The following FOXO3 variants were observed in gnomAD, a reference collection of about 807,000 sequenced individuals.
The protein encoded by FOXO3 is forkhead box protein O3.
Under a neutral mutation model 41.9 loss-of-function variants are expected in FOXO3, and 4 were observed. The ratio of observed to expected loss-of-function variants is 0.10; its 90% CI spans 0.05 to 0.22. The LOEUF (loss-of-function observed/expected upper bound fraction) is 0.22. Among genes scored for constraint, FOXO3 ranks in the 10% least tolerant of loss-of-function variants. The probability of loss-of-function intolerance (pLI) is 1.00; values close to 1 mark genes in which losing one functional copy is unlikely to be tolerated. For synonymous variants in FOXO3, 318 were observed against 389.3 expected (o/e 0.82, Z 2.16); for missense variants, 534 against 906.8 (o/e 0.59, Z 5.28).
intron 1 of FOXO3, among the ~76,000 whole-genome samples, chr6:108,618,885 T>A (rs1777590655): frequency 6.6e-6 from 1 of 152,214 alleles, no homozygotes; most frequent in Admixed American, 6.5e-5. Context: ...CTTCTCTGAT[T>A]ACTAATCTGT....
intron 1 of FOXO3, among the ~76,000 whole-genome samples, chr6:108,567,601 T>C (rs1280519191): frequency 6.6e-6 from 1 of 152,180 alleles, no homozygotes; most frequent in Non-Finnish European, 1.5e-5. Context: ...GTTCCACAGC[T>C]AGTAGGGGTG....
chr6:108,573,490 C>T (rs950627215), intron 1 of FOXO3, among the ~76,000 whole-genome samples: 3 of 152,066 alleles, frequency 2.0e-5, no homozygotes, highest in Non-Finnish European at 4.4e-5. Context: ...AACTTGGCTC[C>T]GTTATTTAGG....
chr6:108,605,734 T>C (rs1777181056), intron 1 of FOXO3, among the ~76,000 whole-genome samples: 1 of 152,204 alleles, frequency 6.6e-6, no homozygotes, highest in Non-Finnish European at 1.5e-5. Flanking sequence ...ATGTTTCTTG[T>C]TTTGATTACC....
Position 108,642,177 on chromosome 6 carries a change from T to C in FOXO3, c.622-21278T>C, listed in dbSNP as rs1778279128. Among the ~76,000 whole-genome samples the C allele has an allele frequency of 2.0e-5, 3 of 149,448 alleles. No homozygotes were observed. In the Admixed American group the frequency reaches 2.0e-4, roughly 10 times the overall value. ...GATCTCAACTTGTTGCAACCTCCCGTTCCCAGGCTCAAGCAATCCTCCCAT... is the reference window on the plus strand; with the variant it reads ...GATCTCAACTTGTTGCAACCTCCCGCTCCCAGGCTCAAGCAATCCTCCCAT... On this transcript the variant is annotated intron_variant, in intron 1 of 2. Transcript: ENST00000406360.
chr6:108,656,538 A>G, intron 1 of FOXO3: 1 of 984,378 alleles, frequency 1.0e-6, no homozygotes, highest in Non-Finnish European at 1.2e-6. Flanking sequence ...CTCGGAAAAC[A>G]GTAAGTTAAC....
At chr6:108,562,132 A>T (rs1049724731) in intron 1 of FOXO3, among the ~76,000 whole-genome samples, 2 of 151,978 alleles carry the variant, frequency 1.3e-5, no homozygotes, top group Admixed American at 6.5e-5. Context: ...TTCTCCGGAC[A>T]GCACCGAGGA....
intron 2 of FOXO3, among the ~76,000 whole-genome samples, chr6:108,678,332 G>A (rs1362320373): frequency 6.6e-6 from 1 of 152,144 alleles, no homozygotes; most frequent in Non-Finnish European, 1.5e-5. Flanking sequence ...AGAAAAGCAC[G>A]AGTTCATGTT....
chr6:108,620,573 A>T (rs1347169471), intron 1 of FOXO3, among the ~76,000 whole-genome samples: 1 of 152,188 alleles, frequency 6.6e-6, no homozygotes, highest in Admixed American at 6.5e-5. Flanking sequence ...GAGCTGAGAT[A>T]ATTAGTATTA....
In FOXO3 at chr6:108,669,728, C is replaced by T. The variant is rs535284319; in HGVS notation, c.*34+4839C>T. ...CAGAGGCTGGTACACTGGCTACATA[C>T]GCTGTTTTTTCCTGGAAAGCAGTGA... On this transcript the variant is annotated intron_variant, in intron 2 of 2. Transcript: ENST00000406360. Among the ~76,000 whole-genome samples, 101 of 152,204 alleles carry T rather than the reference C, an allele frequency of 6.6e-4. 1 individual carries two copies. Among genetic ancestry groups the T allele is most frequent in the Admixed American group, 2.2e-3 (34 of 15,278 alleles).
chr6:108,565,578 C>G (rs919021536), intron 1 of FOXO3, among the ~76,000 whole-genome samples: 2 of 152,202 alleles, frequency 1.3e-5, no homozygotes, highest in African/African-American at 4.8e-5. Flanking sequence ...ATTAGGCAGA[C>G]TTGAGTTTCT....
At chr6:108,623,865 A>G (rs1006961136) in intron 1 of FOXO3, among the ~76,000 whole-genome samples, 1 of 152,184 alleles carries the variant, frequency 6.6e-6, no homozygotes, top group Non-Finnish European at 1.5e-5. Flanking sequence ...TTCTCCTTTC[A>G]TCTAAGAAAT....
rs532108202 is a variant in FOXO3, at chr6:108,681,948, G to T, written c.*2156G>T. The T allele has an allele frequency of 6.6e-6, 1 of 152,318 alleles. No individual in the cohort carries two copies. Among genetic ancestry groups the T allele is most frequent in the East Asian group, 1.9e-4 (1 of 5,184 alleles). The allele number at this position is 152,318 out of a possible 1,614,324, so 9.4% of individuals were successfully genotyped here. ...CCTAAGGGATGCTGCCCTGTGTGGG[G>T]ATGCATTGCAGAGGCACTAGTAGCA... On this transcript the variant is annotated 3_prime_UTR_variant, in exon 3 of 3. Coordinates refer to ENST00000406360, the MANE Select transcript of FOXO3 (RefSeq NM_001455.4).
intron 1 of FOXO3, among the ~76,000 whole-genome samples, chr6:108,573,212 A>G (rs901538111): frequency 9.2e-5 from 14 of 152,060 alleles, no homozygotes; most frequent in Non-Finnish European, 1.5e-4. Flanking sequence ...GCGTGAACCC[A>G]GGAGGCGGAG....
chr6:108,574,300 T>C (rs1192728725), intron 1 of FOXO3, among the ~76,000 whole-genome samples: 3 of 152,184 alleles, frequency 2.0e-5, no homozygotes, highest in African/African-American at 7.2e-5. Flanking sequence ...CATGGTTTAC[T>C]ATGGGTCAGA....
At chr6:108,637,215 CTAGTT>C (rs1449638741) in intron 1 of FOXO3, among the ~76,000 whole-genome samples, 1 of 152,142 alleles carries the variant, frequency 6.6e-6, no homozygotes, top group East Asian at 1.9e-4. Context: ...CCTTAATTGT[CTAGTT>C]TAGCACCACT....
chr6:108,643,863 A>G (rs564651145), intron 1 of FOXO3, among the ~76,000 whole-genome samples: 2 of 152,194 alleles, frequency 1.3e-5, no homozygotes, highest in African/African-American at 4.8e-5. Context: ...AATGATTTTC[A>G]TGGTTCATTA....
chr6:108,656,323 G>A, intron 1 of FOXO3: 1 of 980,890 alleles, frequency 1.0e-6, no homozygotes, highest in Non-Finnish European at 1.2e-6. Flanking sequence ...TCCAGGGGAA[G>A]CACATGCAGC....
rs1297430907 is a variant in FOXO3, at chr6:108,677,392, T to G, written c.*35-2435T>G. On this transcript the variant is annotated intron_variant, in intron 2 of 2. Transcript: ENST00000406360. ...TGGCCTGTTCTGCTCAAAATTGTGC[T>G]CTGTTAGGGGCTCATGGGTGTCCTC... 2.0e-5 allele frequency among the ~76,000 whole-genome samples: 3 copies of G among 152,330 alleles called. No homozygotes were observed. The East Asian group carries it at 5.8e-4, about 29-fold the overall frequency.
chr6:108,607,467 A>G (rs1176743555), intron 1 of FOXO3, among the ~76,000 whole-genome samples: 1 of 148,310 alleles, frequency 6.7e-6, no homozygotes. Context: ...AAAAAAAAAG[A>G]AGAAGGAGTT....
Sources: gnomAD v4.1 joint callset for allele counts (sites outside exome capture counted in the v4.1 genomes callset) on GRCh38, gnomAD v4.1.1 for gene constraint, MANE v1.5 for transcripts, NCBI Gene and HGNC (gene_info 2026-07-23, HGNC 2026-07-21) for gene names.